Variants in IFT81 observed in about 807,000 individuals in gnomAD.
IFT81 encodes intraflagellar transport 81.
A neutral mutation model predicts 102.6 loss-of-function variants in IFT81; 72 were observed. The observed-to-expected ratio is 0.70, with a 90% CI of 0.58 to 0.85. IFT81 has a LOEUF of 0.85. Among genes scored for constraint, IFT81 ranks in the 40% least tolerant of loss-of-function variants. IFT81 has a pLI of 0.00. For missense variants in IFT81, 723 were observed against 787.3 expected (o/e 0.92, Z 0.98); for synonymous variants, 237 against 242.7 (o/e 0.98, Z 0.22).
chr12:110,175,497 C>A (rs907244241), intron 11 of IFT81, among the ~76,000 whole-genome samples: 1 of 151,994 alleles, frequency 6.6e-6, no homozygotes, highest in Non-Finnish European at 1.5e-5. Flanking sequence ...ATTTAGAAAC[C>A]CTTATAGTCA....
At chr12:110,178,361 G>A (rs1897134790) in intron 11 of IFT81, among the ~76,000 whole-genome samples, 1 of 150,732 alleles carries the variant, frequency 6.6e-6, no homozygotes, top group Non-Finnish European at 1.5e-5. Context: ...TTGCAGTGAG[G>A]GGAGATTGTG....
At chr12:110,166,953 G>A (rs1386407320) in intron 11 of IFT81, among the ~76,000 whole-genome samples, 1 of 151,920 alleles carries the variant, frequency 6.6e-6, no homozygotes, top group Non-Finnish European at 1.5e-5. Flanking sequence ...ATGTTAATTT[G>A]CGTAAATGTA....
intron 18 of IFT81, among the ~76,000 whole-genome samples, chr12:110,215,547 G>A (rs971596781): frequency 8.3e-6 from 1 of 120,426 alleles, no homozygotes; most frequent in Non-Finnish European, 1.6e-5. Context: ...CTGCAGCCTT[G>A]AGTTCCCAGG....
At chr12:110,188,425 G>A (rs1897647250) in intron 12 of IFT81, among the ~76,000 whole-genome samples, 1 of 151,620 alleles carries the variant, frequency 6.6e-6, no homozygotes, top group East Asian at 2.0e-4. Flanking sequence ...CTAAGATTTG[G>A]TAATGCCTAA....
At chr12:110,173,967 A>C (rs966064095) in intron 11 of IFT81, among the ~76,000 whole-genome samples, 2 of 152,050 alleles carry the variant, frequency 1.3e-5, no homozygotes, top group African/African-American at 4.8e-5. Flanking sequence ...TCAATAAAAA[A>C]AAAAAGAAAG....
At chr12:110,161,844 G>T (rs1419613571) in intron 10 of IFT81, among the ~76,000 whole-genome samples, 1 of 152,054 alleles carries the variant, frequency 6.6e-6, no homozygotes, top group Non-Finnish European at 1.5e-5. Context: ...AAGGACAATA[G>T]AATTTTTTTA....
rs141554008 is a variant in IFT81 at position 110,215,628 on chromosome 12, A to G, written c.1849-2416A>G. Among the ~76,000 whole-genome samples, 1,049 of 150,550 alleles carry G rather than the reference A, an allele frequency of 7.0e-3. 1 individual carries two copies. The highest frequency in any genetic ancestry group is 9.5e-3 in the Non-Finnish European group (640 of 67,662). On this transcript the variant is annotated intron_variant, in intron 18 of 18. Coordinates refer to ENST00000242591, the MANE Select transcript of IFT81 (RefSeq NM_014055.4). ...AGGCATGTGCCACCATACACAACTA[A>G]TTAAAAAAAAATTTTTTTTTTGTAG...
intron 11 of IFT81, among the ~76,000 whole-genome samples, chr12:110,177,532 C>T (rs954540601): frequency 2.6e-5 from 4 of 152,184 alleles, no homozygotes; most frequent in African/African-American, 9.7e-5. Context: ...AGTCCCCCCA[C>T]CTCAGCCTCC....
chr12:110,179,051 TA>T (rs1367040743), intron 11 of IFT81, among the ~76,000 whole-genome samples: 3 of 152,110 alleles, frequency 2.0e-5, no homozygotes, highest in Non-Finnish European at 4.4e-5. Context: ...GATGGGTAGG[TA>T]AATAGATAAA....
intron 18 of IFT81, among the ~76,000 whole-genome samples, chr12:110,210,918 G>A (rs546647621): frequency 3.8e-4 from 56 of 148,846 alleles, no homozygotes; most frequent in Non-Finnish European, 4.9e-4. Flanking sequence ...GCAGTGGCAC[G>A]ATCTCGGCTC....
intron 11 of IFT81, among the ~76,000 whole-genome samples, chr12:110,164,913 G>T (rs1200716921): frequency 6.6e-6 from 1 of 152,088 alleles, no homozygotes; most frequent in Non-Finnish European, 1.5e-5. Flanking sequence ...TTAAGAAAAT[G>T]CTGCCTAAAT....
At chr12:110,126,231 T>G (rs1893831855) in intron 1 of IFT81, among the ~76,000 whole-genome samples, 1 of 143,008 alleles carries the variant, frequency 7.0e-6, no homozygotes, top group Admixed American at 7.4e-5. Flanking sequence ...TGAGCCAAGA[T>G]CGCGCCACTG....
chr12:110,159,104 T>C (rs1271527692), intron 10 of IFT81, among the ~76,000 whole-genome samples: 1 of 152,078 alleles, frequency 6.6e-6, no homozygotes. Context: ...TTCCCAGGGG[T>C]TTACTGTTTT....
intron 11 of IFT81, among the ~76,000 whole-genome samples, chr12:110,173,956 A>G (rs1896910310): frequency 6.6e-6 from 1 of 151,382 alleles, no homozygotes; most frequent in Non-Finnish European, 1.5e-5. Flanking sequence ...CCCAAGAATG[A>G]TCAATAAAAA....
intron 14 of IFT81, among the ~76,000 whole-genome samples, chr12:110,195,096 A>G (rs1490812979): frequency 1.3e-5 from 2 of 152,062 alleles, no homozygotes; most frequent in African/African-American, 2.4e-5. Flanking sequence ...AAATTTATAT[A>G]TTTATTAATA....
intron 11 of IFT81, among the ~76,000 whole-genome samples, chr12:110,173,524 G>T (rs559849707): frequency 7.7e-4 from 118 of 152,344 alleles, no homozygotes; most frequent in African/African-American, 2.7e-3. Flanking sequence ...AATAGAAAGC[G>T]GGGAAAGGTG....
intron 11 of IFT81, among the ~76,000 whole-genome samples, chr12:110,174,445 G>C (rs1377133367): frequency 1.5e-5 from 2 of 136,384 alleles, no homozygotes; most frequent in Non-Finnish European, 3.0e-5. Context: ...ACAAGAGCAA[G>C]ACTCCGTCTC....
intron 15 of IFT81, chr12:110,204,456 A>T (rs1242953511): frequency 6.5e-6 from 1 of 154,714 alleles, no homozygotes; most frequent in Non-Finnish European, 1.4e-5. Flanking sequence ...ATAAAATCTA[A>T]CCACCAAACT....
intron 18 of IFT81, among the ~76,000 whole-genome samples, chr12:110,214,443 C>T (rs1045704334): frequency 2.6e-5 from 4 of 152,100 alleles, no homozygotes; most frequent in African/African-American, 9.6e-5. Context: ...ACAAACCCAG[C>T]CTTTCAAAGT....
Sources: gnomAD v4.1 joint callset for allele counts (sites outside exome capture counted in the v4.1 genomes callset) on GRCh38, gnomAD v4.1.1 for gene constraint, MANE v1.5 for transcripts, NCBI Gene and HGNC (gene_info 2026-07-23, HGNC 2026-07-21) for gene names.